ACACB: variants seen among roughly 807,000 people sequenced by gnomAD.
ACACB encodes acetyl-CoA carboxylase beta, also known as acetyl-CoA carboxylase 2.
In ACACB, 209 loss-of-function variants were observed where a neutral mutation model predicts 278.8. The observed-to-expected ratio is 0.75, with a 90% CI of 0.67 to 0.84. The LOEUF (loss-of-function observed/expected upper bound fraction) is 0.84. ACACB is among the 40% of genes least tolerant of loss of function. The pLI, the probability that ACACB is intolerant of heterozygous loss-of-function variation, is 0.00. For synonymous variants in ACACB, 1,174 were observed against 1,285.6 expected (o/e 0.91, Z 1.86); for missense variants, 2,850 against 3,269.0 (o/e 0.87, Z 3.13).
Position 109,260,550 on chromosome 12 carries a change from C to T in ACACB, c.6567C>T (p.Ile2189=), listed in dbSNP as rs868714049. The T allele has an allele frequency of 6.2e-7, 1 of 1,614,138 alleles. No individual in the cohort carries two copies. The highest frequency in any genetic ancestry group is 1.3e-5 in the African/African-American group (1 of 74,948). ...VDGLRQYKQP[I]LIYIPPYAEL... ...GCCTTAGACAATACAAACAGCCCAT[C>T]CTGATCTATATCCCGCCCTATGCGG... Residue 2189 remains isoleucine, a synonymous_variant, in exon 48 of 53, where the codon ATC becomes ATT. Transcript: ENST00000338432.
chr12:109,202,642 A>G (rs934635322), intron 19 of ACACB, among the ~76,000 whole-genome samples: 1 of 152,190 alleles, frequency 6.6e-6, no homozygotes, highest in Non-Finnish European at 1.5e-5. Context: ...TTATCAATTT[A>G]CTGTTATTAA....
chr12:109,116,150 A>G (rs562335334), upstream of ACACB, among the ~76,000 whole-genome samples: 4 of 152,378 alleles, frequency 2.6e-5, no homozygotes, highest in East Asian at 1.9e-4. Flanking sequence ...AATTGGAAAC[A>G]TTCCATTAAG....
intron 24 of ACACB, among the ~76,000 whole-genome samples, chr12:109,218,544 A>C (rs966876622): frequency 2.6e-5 from 4 of 151,868 alleles, no homozygotes; most frequent in Non-Finnish European, 5.9e-5. Flanking sequence ...GTCTTTTATA[A>C]CTAAAAATAT....
intron 1 of ACACB, among the ~76,000 whole-genome samples, chr12:109,134,327 G>A (rs770488368): frequency 6.6e-6 from 1 of 152,194 alleles, no homozygotes; most frequent in Non-Finnish European, 1.5e-5. Context: ...AATTTCTAAA[G>A]CATTTGGCCA....
At chr12:109,233,592 G>T (rs946499146) in intron 29 of ACACB, among the ~76,000 whole-genome samples, 156 bp from the exon 30 acceptor site, 2 of 152,164 alleles carry the variant, frequency 1.3e-5, no homozygotes, top group African/African-American at 4.8e-5. Flanking sequence ...AAAGTAGACA[G>T]GGAACCTCCT....
chr12:109,212,294 T>C (rs892632588), intron 21 of ACACB, among the ~76,000 whole-genome samples: 1 of 152,126 alleles, frequency 6.6e-6, no homozygotes, highest in African/African-American at 2.4e-5. Context: ...TTGTGGAAGA[T>C]AGTTTTTCCA....
At chr12:109,224,824 A>G (rs1014926993) in intron 27 of ACACB, among the ~76,000 whole-genome samples, 1 of 151,904 alleles carries the variant, frequency 6.6e-6, no homozygotes, top group Non-Finnish European at 1.5e-5. Context: ...AATCTTTTTA[A>G]GAAAATATGT....
At chr12:109,210,445 G>C (rs1436989506) in intron 21 of ACACB, among the ~76,000 whole-genome samples, 3 of 118,408 alleles carry the variant, frequency 2.5e-5, no homozygotes. Flanking sequence ...GCACATACAT[G>C]TGTATATATG....
At chr12:109,240,565 A>G (rs1044196656) in intron 35 of ACACB, among the ~76,000 whole-genome samples, 13 of 148,368 alleles carry the variant, frequency 8.8e-5, no homozygotes, top group Non-Finnish European at 1.8e-4. Flanking sequence ...CGATATATTA[A>G]TATTATTAAA....
chr12:109,203,948 TC>T (rs2045414481), intron 19 of ACACB, among the ~76,000 whole-genome samples: 1 of 152,102 alleles, frequency 6.6e-6, no homozygotes, highest in South Asian at 2.1e-4. Context: ...AGTACATCTG[TC>T]CAGTAAAAAA....
At chr12:109,264,882 T>G (rs889495766) in intron 50 of ACACB, among the ~76,000 whole-genome samples, 2 of 152,162 alleles carry the variant, frequency 1.3e-5, no homozygotes, top group African/African-American at 4.8e-5. Context: ...TGCCAGGTTT[T>G]TATGGGGGAC....
intron 16 of ACACB, among the ~76,000 whole-genome samples, chr12:109,195,090 G>A (rs1383751872): frequency 6.6e-6 from 1 of 152,126 alleles, no homozygotes; most frequent in Non-Finnish European, 1.5e-5. Flanking sequence ...GCACAGGTAG[G>A]GGGTGAGGCT....
At chr12:109,256,302 G>A in intron 45 of ACACB, 66 bp downstream of exon 45, 1 of 1,316,498 alleles carries the variant, frequency 7.6e-7, no homozygotes, top group Middle Eastern at 1.8e-4. Flanking sequence ...CCCGAGGTGT[G>A]AGGCCAGGGA....
At chr12:109,242,075 T>G (rs1221274333) in intron 36 of ACACB, 1 of 170,746 alleles carries the variant, frequency 5.9e-6, no homozygotes, top group Non-Finnish European at 1.2e-5. Flanking sequence ...TAATGTTGAT[T>G]GAACTTCACC....
intron 34 of ACACB, among the ~76,000 whole-genome samples, chr12:109,238,003 C>A (rs537473901): frequency 3.6e-4 from 52 of 146,128 alleles, no homozygotes; most frequent in African/African-American, 1.3e-3. Flanking sequence ...TAGAGTGAGA[C>A]CCTATCACAA....
chr12:109,111,543 T>C, the ACACB span: 1 of 151,346 alleles, frequency 6.6e-6, no homozygotes, highest in Non-Finnish European at 1.5e-5. Context: ...ATTGTGTTTT[T>C]TTTTCTTTCT....
chr12:109,174,267 C>A, intron 7 of ACACB, 37 bp downstream of exon 7: 1 of 1,526,546 alleles, frequency 6.6e-7, no homozygotes, highest in South Asian at 1.2e-5. Context: ...GGGAGCTTCT[C>A]AGCCCAGTCT....
intron 36 of ACACB, chr12:109,242,100 A>T (rs983819339): frequency 1.0e-5 from 2 of 190,784 alleles, no homozygotes; most frequent in Non-Finnish European, 2.1e-5. Flanking sequence ...CACATCATTA[A>T]AACAGGAAAT....
intron 11 of ACACB, among the ~76,000 whole-genome samples, chr12:109,185,255 A>C (rs924131062): frequency 4.6e-5 from 7 of 152,166 alleles, no homozygotes; most frequent in African/African-American, 1.7e-4. Flanking sequence ...TCTGCAGCCA[A>C]CATGGTTGCT....
Sources: allele counts gnomAD v4.1 joint callset (sites outside exome capture counted in the v4.1 genomes callset), GRCh38; gene constraint gnomAD v4.1.1; transcripts MANE v1.5; gene names NCBI Gene and HGNC (gene_info 2026-07-23, HGNC 2026-07-21).